CATSPERE: variants seen among roughly 807,000 people sequenced by gnomAD.
CATSPERE encodes the protein cation channel sperm-associated auxiliary subunit epsilon.
In CATSPERE, 93 loss-of-function variants were observed where a neutral mutation model predicts 114.1. The ratio of observed to expected loss-of-function variants is 0.81; its 90% CI spans 0.69 to 0.97. The LOEUF (loss-of-function observed/expected upper bound fraction) is 0.97, where lower values mean the gene tolerates loss of function less well. Among genes scored for constraint, CATSPERE ranks in the 50% least tolerant of loss-of-function variants. The probability of loss-of-function intolerance (pLI) is 0.00; values close to 1 mark genes in which losing one functional copy is unlikely to be tolerated. For missense variants in CATSPERE, 1,058 were observed against 1,131.6 expected, an observed-to-expected ratio of 0.93 and a Z score of 0.93; for synonymous variants, 341 against 384.1, an observed-to-expected ratio of 0.89 and a Z score of 1.31.
intron 8 of CATSPERE, among the ~76,000 whole-genome samples, chr1:244,544,124 C>G (rs1185643151): frequency 2.0e-5 from 3 of 151,956 alleles, no homozygotes; most frequent in African/African-American, 7.3e-5. Context: ...TCTATAGACC[C>G]AAAAGCCCTT....
At chr1:244,550,956 C>A (rs1164229824) in intron 8 of CATSPERE, among the ~76,000 whole-genome samples, 1 of 152,106 alleles carries the variant, frequency 6.6e-6, no homozygotes, top group Non-Finnish European at 1.5e-5. Context: ...ACTCCATGTT[C>A]CCACTTCAAA....
intron 8 of CATSPERE, among the ~76,000 whole-genome samples, chr1:244,527,631 A>G (rs1371880826): frequency 6.6e-6 from 1 of 152,252 alleles, no homozygotes; most frequent in Non-Finnish European, 1.5e-5. Context: ...AGACAGGGAT[A>G]GGAAATCACA....
rs563322757 is a variant in CATSPERE at position 244,602,749 on chromosome 1, G to T, written c.2304-2946G>T. 1.2e-4 allele frequency among the ~76,000 whole-genome samples: 19 copies of T among 152,320 alleles called. No homozygotes were observed. In the South Asian group the frequency reaches 3.9e-3, roughly 32 times the overall value. ...TGGGGCAGGATTTCTTTGTTACCCT[G>T]CAGGGAGTTCAGGAACAGATATTCT... On this transcript the variant is annotated intron_variant, in intron 17 of 21. Coordinates refer to ENST00000366534, the MANE Select transcript of CATSPERE (RefSeq NM_001130957.2).
chr1:244,481,580 G>A (rs1670265240), intron 5 of CATSPERE, among the ~76,000 whole-genome samples: 1 of 152,268 alleles, frequency 6.6e-6, no homozygotes, highest in South Asian at 2.1e-4. Context: ...AACCATCAGA[G>A]AAGATAATCT....
intron 19 of CATSPERE, among the ~76,000 whole-genome samples, chr1:244,617,237 C>T (rs1253188633): frequency 6.6e-6 from 1 of 152,136 alleles, no homozygotes; most frequent in East Asian, 1.9e-4. Flanking sequence ...CCCAATTAAG[C>T]ATCTTTGGAA....
intron 8 of CATSPERE, among the ~76,000 whole-genome samples, chr1:244,537,740 T>C (rs1680584340): frequency 6.6e-6 from 1 of 152,214 alleles, no homozygotes; most frequent in African/African-American, 2.4e-5. Context: ...TCTATTCTTT[T>C]AAATTTTGTT....
At chr1:244,516,546 C>T (rs1022011170) in intron 7 of CATSPERE, among the ~76,000 whole-genome samples, 10 of 150,750 alleles carry the variant, frequency 6.6e-5, no homozygotes, top group African/African-American at 2.4e-4. Context: ...CTTTTGGAGA[C>T]GGAGTCTCTC....
At chr1:244,464,449 C>T (rs1010803172) in intron 2 of CATSPERE, among the ~76,000 whole-genome samples, 12 of 151,858 alleles carry the variant, frequency 7.9e-5, no homozygotes, top group Non-Finnish European at 1.6e-4. Flanking sequence ...ATATAGCTTC[C>T]TACCATCACA....
intron 8 of CATSPERE, among the ~76,000 whole-genome samples, chr1:244,534,816 T>G (rs1680130713): frequency 6.6e-6 from 1 of 152,218 alleles, no homozygotes. Context: ...CGGATGGTCT[T>G]GATGCCTGTG....
intron 8 of CATSPERE, among the ~76,000 whole-genome samples, chr1:244,530,149 A>C (rs1028106863): frequency 3.3e-5 from 5 of 152,176 alleles, no homozygotes; most frequent in Non-Finnish European, 5.9e-5. Flanking sequence ...GGGTTTCCCC[A>C]TGTTGGCCAG....
At chr1:244,478,715 G>A (rs1448452499) in intron 4 of CATSPERE, among the ~76,000 whole-genome samples, 1 of 152,148 alleles carries the variant, frequency 6.6e-6, no homozygotes, top group African/African-American at 2.4e-5. Flanking sequence ...GTCTCTTTGA[G>A]TCTATGAGTA....
At chr1:244,625,454 G>T (rs1487256715) in intron 20 of CATSPERE, among the ~76,000 whole-genome samples, 1 of 3,114 alleles carries the variant, frequency 3.2e-4, no homozygotes, top group Admixed American at 4.5e-3. Context: ...TTTTGAGATG[G>T]AGTCTCACTC....
At chr1:244,569,442 T>A (rs951203282) in intron 10 of CATSPERE, among the ~76,000 whole-genome samples, 3 of 152,222 alleles carry the variant, frequency 2.0e-5, no homozygotes, top group African/African-American at 7.2e-5. Flanking sequence ...CATTTTTGCA[T>A]TGGGTTTATC....
chr1:244,546,199 C>T (rs573001365), intron 8 of CATSPERE, among the ~76,000 whole-genome samples: 1 of 152,254 alleles, frequency 6.6e-6, no homozygotes, highest in South Asian at 2.1e-4. Flanking sequence ...CTTCAGTGGC[C>T]AAGAGTTTCC....
chr1:244,493,258 A>G (rs990874932), intron 6 of CATSPERE, among the ~76,000 whole-genome samples: 2 of 152,230 alleles, frequency 1.3e-5, no homozygotes, highest in Non-Finnish European at 2.9e-5. Flanking sequence ...AGAGATATAG[A>G]TCAATGGAAC....
At chr1:244,508,161 C>G (rs755162802) in intron 7 of CATSPERE, among the ~76,000 whole-genome samples, 6 of 151,642 alleles carry the variant, frequency 4.0e-5, no homozygotes, top group Non-Finnish European at 5.9e-5. Context: ...GTGTTTTATA[C>G]TTTTCTTTGT....
At chr1:244,608,304 G>A (rs201681186) in intron 18 of CATSPERE, among the ~76,000 whole-genome samples, 16 of 152,102 alleles carry the variant, frequency 1.1e-4, no homozygotes, top group South Asian at 4.2e-4. Context: ...AGGTTGAAGC[G>A]GGATGATCGC....
intron 19 of CATSPERE, 94 bp from the exon 20 acceptor site, chr1:244,617,435 T>A: frequency 1.0e-6 from 1 of 980,816 alleles, no homozygotes; most frequent in Non-Finnish European, 1.4e-6. Context: ...AGCCATTACA[T>A]CTCTAAATAA....
chr1:244,522,568 C>G (rs894932699), intron 8 of CATSPERE, among the ~76,000 whole-genome samples: 4 of 151,904 alleles, frequency 2.6e-5, no homozygotes, highest in Non-Finnish European at 5.9e-5. Flanking sequence ...AAAGGATCAA[C>G]AAAATTGATA....
Sources: gnomAD v4.1 joint callset for allele counts (sites outside exome capture counted in the v4.1 genomes callset) on GRCh38, gnomAD v4.1.1 for gene constraint, MANE v1.5 for transcripts, NCBI Gene and HGNC (gene_info 2026-07-23, HGNC 2026-07-21) for gene names.